SPECC1: variants seen among roughly 807,000 people sequenced by gnomAD.
The protein encoded by SPECC1 is sperm antigen with calponin homology and coiled-coil domains 1, also known as cytospin-B.
In SPECC1, 62 loss-of-function variants were observed where a neutral mutation model predicts 104.1. The ratio of observed to expected loss-of-function variants is 0.60; its 90% CI spans 0.49 to 0.74. The LOEUF (loss-of-function observed/expected upper bound fraction) is 0.74. SPECC1 is among the 30% of genes least tolerant of loss of function. The pLI, the probability that SPECC1 is intolerant of heterozygous loss-of-function variation, is 0.00. For synonymous variants in SPECC1, 513 were observed against 501.6 expected (o/e 1.02, Z -0.30); for missense variants, 1,306 against 1,310.5 (o/e 1.00, Z 0.05).
intron 1 of SPECC1, among the ~76,000 whole-genome samples, chr17:20,094,563 A>G (rs1235407339): frequency 2.6e-5 from 4 of 152,206 alleles, no homozygotes; most frequent in Non-Finnish European, 5.9e-5. Context: ...GTGGTGGGCA[A>G]TAAATAAAAG....
intron 3 of SPECC1, among the ~76,000 whole-genome samples, chr17:20,181,957 G>C (rs1456596607): frequency 6.6e-6 from 1 of 152,046 alleles, no homozygotes; most frequent in Non-Finnish European, 1.5e-5. Flanking sequence ...CTGCTTAAGA[G>C]ACTAATTCTC....
At chr17:20,313,873 G>T in intron 14 of SPECC1, 103 bp from the exon 15 acceptor site, 1 of 1,029,936 alleles carries the variant, frequency 9.7e-7, no homozygotes. Context: ...GTAAGTGGAG[G>T]GTTTCCAGGC....
At chr17:20,129,369 G>A (rs957309879) in intron 3 of SPECC1, among the ~76,000 whole-genome samples, 3 of 151,598 alleles carry the variant, frequency 2.0e-5, no homozygotes, top group Non-Finnish European at 4.4e-5. Context: ...TGTATTTTTA[G>A]TAGAGACGGG....
chr17:20,263,716 C>T lies in SPECC1; in HGVS notation c.2940+3422C>T, dbSNP rs143593975. Among the ~76,000 whole-genome samples, 5 of 152,268 alleles carry T rather than the reference C, an allele frequency of 3.3e-5. No individual in the cohort carries two copies. The East Asian group carries it at 7.7e-4, about 24-fold the overall frequency. ...CTGATGCCGCCTGTGCTGTTCCCCA[C>T]CTGACAGTAATGGACCAAGGCAGCT... On this transcript the variant is annotated intron_variant, in intron 12 of 14. Transcript: ENST00000395527.
intron 3 of SPECC1, among the ~76,000 whole-genome samples, chr17:20,175,060 T>C (rs2034374045): frequency 6.6e-6 from 1 of 152,192 alleles, no homozygotes; most frequent in Non-Finnish European, 1.5e-5. Context: ...TGGGGCCGCC[T>C]CTGTGCTCCG....
rs374712519 is a variant in SPECC1, at chr17:20,096,733, G to C, written c.82G>C (p.Ala28Pro). The change falls in exon 2 of 15, where the codon GCC becomes CCC. Residue 28 changes from alanine to proline, a missense_variant. Physicochemically the swap from Ala to Pro is conservative, Grantham distance 27. Coordinates refer to ENST00000395527, the MANE Select transcript of SPECC1 (RefSeq NM_001243439.2). ...GPDRVRPLPA[A>P]SSGMKSSKSS... ...AGACCGGGTGCGGCCTCTGCCTGCA[G>C]CCTCTTCCGGCATGAAGAGTTCTAA... 73 of 1,614,128 alleles carry C rather than the reference G, an allele frequency of 4.5e-5. No individual in the cohort carries two copies. The highest frequency in any genetic ancestry group is 6.0e-5 in the Non-Finnish European group (71 of 1,180,050).
intron 12 of SPECC1, among the ~76,000 whole-genome samples, chr17:20,287,920 A>G (rs892814266): frequency 1.3e-5 from 2 of 152,092 alleles, no homozygotes; most frequent in Non-Finnish European, 1.5e-5. Context: ...TAAGCTCAAC[A>G]TACATTAGTG....
chr17:20,246,151 C>T lies in SPECC1; in HGVS notation c.2497+80C>T, dbSNP rs759941131. On this transcript the variant is annotated intron_variant, in intron 8 of 14. Transcript: ENST00000395527. The stretch of plus-strand genomic sequence containing the variant: ...ATTTGATATGTCTACTATCTCTACT[C>T]CACCCTGGCCCTGTGTTGTTACAAC... 37 of 1,525,482 alleles carry T rather than the reference C, an allele frequency of 2.4e-5. No individual in the cohort carries two copies. In the African/African-American group the frequency reaches 3.7e-4, roughly 15 times the overall value. 94.5% of individuals were successfully genotyped at this position (1,525,482 alleles called of 1,614,324 possible).
intron 3 of SPECC1, among the ~76,000 whole-genome samples, chr17:20,166,716 CTG>C (rs2151158463): frequency 1.3e-5 from 2 of 152,316 alleles, no homozygotes; most frequent in South Asian, 2.1e-4. Flanking sequence ...TAAGTTACGA[CTG>C]TGTCTGTTTC....
At chr17:20,294,424 C>T (rs8077852) in intron 12 of SPECC1, among the ~76,000 whole-genome samples, 37,810 of 152,022 alleles carry the variant, frequency 0.25, 5,905 homozygotes, top group African/African-American at 0.45. Flanking sequence ...CTGAACAGGA[C>T]GGGTTTTCTT....
chr17:20,051,068 T>TTC (rs1555597662), intron 1 of SPECC1, among the ~76,000 whole-genome samples: 3 of 90,694 alleles, frequency 3.3e-5, no homozygotes, highest in Admixed American at 1.2e-4. Context: ...CTTTCTTTCT[T>TTC]TTTCTTTCTT....
intron 1 of SPECC1, among the ~76,000 whole-genome samples, chr17:20,068,392 G>A (rs903228950): frequency 6.6e-6 from 1 of 152,142 alleles, no homozygotes; most frequent in African/African-American, 2.4e-5. Flanking sequence ...AACAGCTGAT[G>A]GCCACTGGGT....
chr17:20,040,164 TAC>T (rs1196347325), intron 1 of SPECC1, among the ~76,000 whole-genome samples: 1 of 150,556 alleles, frequency 6.6e-6, no homozygotes, highest in African/African-American at 2.4e-5. Context: ...TATATATATA[TAC>T]ACACACATAT....
intron 14 of SPECC1, among the ~76,000 whole-genome samples, chr17:20,312,571 T>A (rs181233152): frequency 4.5e-4 from 68 of 152,304 alleles, no homozygotes; most frequent in African/African-American, 1.6e-3. Flanking sequence ...ATGTCCAAAT[T>A]GCATGCCCAA....
intron 1 of SPECC1, among the ~76,000 whole-genome samples, chr17:20,019,618 A>G (rs1329564677): frequency 1.3e-5 from 2 of 152,214 alleles, no homozygotes; most frequent in Admixed American, 6.5e-5. Flanking sequence ...TTAGCTCAAT[A>G]TAGCTGGAAA....
chr17:20,018,915 A>G (rs1398819559), intron 1 of SPECC1, among the ~76,000 whole-genome samples: 4 of 152,150 alleles, frequency 2.6e-5, no homozygotes, highest in Non-Finnish European at 4.4e-5. Flanking sequence ...CCCAGCACAT[A>G]CCACATTCCA....
chr17:20,229,673 CTAAAAAAA>C (rs2038452175), intron 5 of SPECC1, among the ~76,000 whole-genome samples: 1 of 152,002 alleles, frequency 6.6e-6, no homozygotes, highest in South Asian at 2.1e-4. Context: ...GACTGCATCT[CTAAAAAAA>C]TAAAAAAACC....
intron 14 of SPECC1, among the ~76,000 whole-genome samples, chr17:20,310,786 A>C (rs2041908440): frequency 6.6e-6 from 1 of 152,146 alleles, no homozygotes; most frequent in African/African-American, 2.4e-5. Context: ...GGCTGGGCCT[A>C]CTCTGCAAGT....
chr17:20,246,125 C>T, intron 8 of SPECC1, 54 bp downstream of exon 8: 20 of 1,597,230 alleles, frequency 1.3e-5, no homozygotes, highest in Non-Finnish European at 1.6e-5. Context: ...TTTGGCCCGA[C>T]ATTTGATATG....
Sources: allele counts gnomAD v4.1 joint callset (sites outside exome capture counted in the v4.1 genomes callset), GRCh38; gene constraint gnomAD v4.1.1; transcripts MANE v1.5; gene names NCBI Gene and HGNC (gene_info 2026-07-23, HGNC 2026-07-21).